Variants in GRK3 observed in about 807,000 individuals in gnomAD.
GRK3 encodes adrenergic, beta, receptor kinase 2.
GRK3 carries 54 observed loss-of-function variants against 95.7 expected under a neutral mutation model. That is an observed-to-expected ratio of 0.56 (90% CI 0.45 to 0.71). The LOEUF (loss-of-function observed/expected upper bound fraction) is 0.71. GRK3 is among the 30% of genes least tolerant of loss of function. The pLI, the probability that GRK3 is intolerant of heterozygous loss-of-function variation, is 0.00. For missense variants in GRK3, 649 were observed against 851.2 expected (o/e 0.76, Z 2.96); for synonymous variants, 281 against 290.8 (o/e 0.97, Z 0.34).
rs576008210 is a variant in GRK3, at chr22:25,630,919, TCTC to T, written c.191-13667_191-13665del. On this transcript the variant is annotated intron_variant, in intron 2 of 20. Coordinates refer to ENST00000324198, the MANE Select transcript of GRK3 (RefSeq NM_005160.4). ...CCAAATTATATTTCATTTATAATTT[TCTC>T]CTCCTGTAAAGTTTTAAGTCAAGAA... is the stretch of plus-strand genomic sequence containing the variant. Among the ~76,000 whole-genome samples the T allele has an allele frequency of 3.3e-5, 5 of 152,348 alleles. No homozygotes were observed. In the South Asian group the frequency reaches 1.0e-3, roughly 32 times the overall value.
At chr22:25,608,496 TC>T (rs1458549241) in intron 2 of GRK3, among the ~76,000 whole-genome samples, 9 of 152,202 alleles carry the variant, frequency 5.9e-5, no homozygotes, top group African/African-American at 2.2e-4. Context: ...TCACATGTGC[TC>T]TTTAAAAGCA....
chr22:25,627,595 C>T (rs2084636970), intron 2 of GRK3, among the ~76,000 whole-genome samples: 1 of 152,198 alleles, frequency 6.6e-6, no homozygotes, highest in South Asian at 2.1e-4. Context: ...TCTGATCTTC[C>T]TTTAAGTAAA....
chr22:25,611,867 C>G (rs1033097031), intron 2 of GRK3, among the ~76,000 whole-genome samples: 7 of 134,206 alleles, frequency 5.2e-5, no homozygotes, highest in African/African-American at 2.0e-4. Context: ...GAGTCTCACT[C>G]TGTCACTCAG....
chr22:25,689,979 C>G (rs999138585), intron 11 of GRK3, among the ~76,000 whole-genome samples: 5 of 152,226 alleles, frequency 3.3e-5, no homozygotes, highest in African/African-American at 1.2e-4. Flanking sequence ...TCCTTCGCCT[C>G]TGTCATTACC....
At position 25,700,571 on chromosome 22, in the gene GRK3, A is replaced by G. The variant is rs574635499; in HGVS notation, c.1161-2939A>G. Among the ~76,000 whole-genome samples the G allele has an allele frequency of 3.3e-5, 5 of 152,268 alleles. No individual in the cohort carries two copies. In the South Asian group the frequency reaches 8.3e-4, roughly 25 times the overall value. On this transcript the variant is annotated intron_variant, in intron 13 of 20. Transcript: ENST00000324198. ...GTTTGAAATGCACATTTAATATAACATGCCATCTTTTGGGTATTTTATTTT... is the reference window on the plus strand; with the variant it reads ...GTTTGAAATGCACATTTAATATAACGTGCCATCTTTTGGGTATTTTATTTT...
intron 20 of GRK3, 40 bp from the exon 21 acceptor site, chr22:25,722,249 G>T: frequency 6.2e-7 from 1 of 1,606,106 alleles, no homozygotes; most frequent in Non-Finnish European, 8.5e-7. Flanking sequence ...GGCAAAATGG[G>T]TGAGCCTGTC....
chr22:25,699,455 A>G (rs1260498154), intron 13 of GRK3, among the ~76,000 whole-genome samples: 1 of 152,066 alleles, frequency 6.6e-6, no homozygotes, highest in Non-Finnish European at 1.5e-5. Context: ...TAACTTGGGA[A>G]GTGGCTGCTA....
chr22:25,581,035 A>G (rs1932082336), intron 1 of GRK3: 1 of 152,174 alleles, frequency 6.6e-6, no homozygotes, highest in Non-Finnish European at 1.5e-5. Context: ...GGATCACTTG[A>G]ACCCAGGAGA....
At chr22:25,643,954 G>A (rs1229962161) in intron 2 of GRK3, among the ~76,000 whole-genome samples, 3 of 152,282 alleles carry the variant, frequency 2.0e-5, no homozygotes, top group East Asian at 1.9e-4. Flanking sequence ...AGAGAGGGGC[G>A]TGGTATTCTA....
intron 2 of GRK3, among the ~76,000 whole-genome samples, chr22:25,624,321 T>C (rs144527891): frequency 0.014 from 2,172 of 152,160 alleles, 51 homozygotes; most frequent in African/African-American, 0.048. Flanking sequence ...CCCAGCACTT[T>C]GGGAGGCCGA....
chr22:25,677,033 G>A (rs1183194975), intron 8 of GRK3, among the ~76,000 whole-genome samples: 1 of 152,134 alleles, frequency 6.6e-6, no homozygotes, highest in African/African-American at 2.4e-5. Flanking sequence ...CCCGAGGCCT[G>A]TGTGCTATCT....
rs531950769 is a variant in GRK3, at chr22:25,648,542, G to T, written c.264+3877G>T. 42 of 1,449,134 alleles carry T rather than the reference G, an allele frequency of 2.9e-5. No homozygotes were observed. In the Admixed American group the frequency reaches 2.9e-4, roughly 10 times the overall value. The allele number at this position is 1,449,134 out of a possible 1,614,324, so 89.8% of individuals were successfully genotyped here. A position where few individuals can be genotyped will look rare whatever the true frequency, so the allele number is the denominator to read the frequency against. On this transcript the variant is annotated intron_variant, in intron 3 of 20. Transcript: ENST00000324198. ...AAACACTAAAACCAGGTACAATGATGCCAGAAGCTTTTCTTCAAGAAGCTC... is the reference window on the plus strand; with the variant it reads ...AAACACTAAAACCAGGTACAATGATTCCAGAAGCTTTTCTTCAAGAAGCTC...
In GRK3 at chr22:25,711,177, CATTT is replaced by C; in HGVS notation, c.1491+19_1491+22del. 1 of 1,523,850 alleles carries C rather than the reference CATTT, an allele frequency of 6.6e-7. No homozygotes were observed. The highest frequency in any genetic ancestry group is 9.0e-7 in the Non-Finnish European group (1 of 1,116,744). The allele number at this position is 1,523,850 out of a possible 1,614,324, so 94.4% of individuals were successfully genotyped here. ...AAAGGGATTAAGGTACACATGTGAT[CATTT>C]ATTTCTTTATTTTTATTTTTGGATG... On this transcript the variant is annotated intron_variant, in intron 17 of 20. Transcript: ENST00000324198.
intron 15 of GRK3, 51 bp downstream of exon 15, chr22:25,704,260 T>A (rs775392508): frequency 7.5e-7 from 1 of 1,342,150 alleles, no homozygotes; most frequent in South Asian, 1.2e-5. Context: ...AGCAAAATAG[T>A]GATTTTAAAT....
At chr22:25,719,578 G>A (rs565848070) in intron 19 of GRK3, among the ~76,000 whole-genome samples, 2 of 152,052 alleles carry the variant, frequency 1.3e-5, no homozygotes, top group South Asian at 2.1e-4. Context: ...TTTCTGATCC[G>A]CACTACCTTT....
chr22:25,703,721 A>C, intron 14 of GRK3, 145 bp downstream of exon 14: 1 of 590,086 alleles, frequency 1.7e-6, no homozygotes, highest in South Asian at 3.1e-5. Context: ...TTCTTGAAAC[A>C]AATAAATGCA....
In GRK3 at chr22:25,594,270, C is replaced by T. The variant is rs947854791; in HGVS notation, c.114-10107C>T. ...TCTTCCATTTGTGTGTATGTATCAT[C>T]TATGATTTCTTTCATTGGTGTTTTG... is the stretch of plus-strand genomic sequence containing the variant. On this transcript the variant is annotated intron_variant, in intron 1 of 20. Transcript: ENST00000324198. 1.6e-4 allele frequency among the ~76,000 whole-genome samples: 25 copies of T among 152,074 alleles called. 1 individual carries two copies. Among genetic ancestry groups the T allele is most frequent in the South Asian group, 6.2e-4 (3 of 4,820 alleles).
At position 25,722,508 on chromosome 22, in the gene GRK3, G is replaced by A; in HGVS notation, c.*58G>A. 2 of 1,575,692 alleles carry A rather than the reference G, an allele frequency of 1.3e-6. No individual in the cohort carries two copies. On this transcript the variant is annotated 3_prime_UTR_variant, in exon 21 of 21. Coordinates refer to ENST00000324198, the MANE Select transcript of GRK3 (RefSeq NM_005160.4). Reference sequence around the variant, plus strand: ...CACACCAGGGTCTCAGCCTTTTGGGGTGAACGAGGATGAGGCATCTGATCT... The same window carrying A: ...CACACCAGGGTCTCAGCCTTTTGGGATGAACGAGGATGAGGCATCTGATCT...
chr22:25,565,390 G>T (rs928054168), intron 1 of GRK3, among the ~76,000 whole-genome samples: 3 of 152,194 alleles, frequency 2.0e-5, no homozygotes, highest in Admixed American at 1.3e-4. Context: ...GGCGCCCTGC[G>T]CGCAGCGAGC....
Sources: allele counts gnomAD v4.1 joint callset (sites outside exome capture counted in the v4.1 genomes callset), GRCh38; gene constraint gnomAD v4.1.1; transcripts MANE v1.5; gene names NCBI Gene and HGNC (gene_info 2026-07-23, HGNC 2026-07-21).